The following RSU1 variants were observed in gnomAD, a reference collection of about 807,000 sequenced individuals.
RSU1 encodes rsu-1.
In RSU1, 26 loss-of-function variants were observed where a neutral mutation model predicts 31.1. The ratio of observed to expected loss-of-function variants is 0.84; its 90% confidence interval spans 0.61 to 1.16. The LOEUF (loss-of-function observed/expected upper bound fraction) is 1.16, where lower values mean the gene tolerates loss of function less well. Ranked by LOEUF, RSU1 falls within the 50% of genes most tolerant of loss-of-function variation. RSU1 has a pLI of 0.00. For synonymous variants in RSU1, 164 were observed against 136.3 expected (o/e 1.20, Z -1.41); for missense variants, 320 against 339.1 (o/e 0.94, Z 0.44).
intron 4 of RSU1, among the ~76,000 whole-genome samples, chr10:16,756,814 T>G (rs1322290070): frequency 6.6e-6 from 1 of 151,590 alleles, no homozygotes; most frequent in Non-Finnish European, 1.5e-5. Context: ...TGAGTGTGTG[T>G]GTGGGGTGTG....
intron 7 of RSU1, among the ~76,000 whole-genome samples, chr10:16,729,434 C>G (rs1836458689): frequency 6.6e-6 from 1 of 152,074 alleles, no homozygotes. Context: ...AACAGATAAG[C>G]CCAAGTACCT....
In RSU1 at chr10:16,735,532, G is replaced by A. The variant is rs970827708; in HGVS notation, c.598+17007C>T. On this transcript the variant is annotated intron_variant, in intron 7 of 8. Transcript: ENST00000345264. The stretch of plus-strand genomic sequence containing the variant: ...ATAATAGAAATGCTTCTAGATATTG[G>A]GCAATGTATTAGTCCATTCTCACAC... Among the ~76,000 whole-genome samples the A allele has an allele frequency of 2.9e-4, 44 of 152,104 alleles. 1 individual carries two copies. Among genetic ancestry groups the A allele is most frequent in the Admixed American group, 2.8e-3 (43 of 15,272 alleles).
intron 7 of RSU1, among the ~76,000 whole-genome samples, chr10:16,725,033 G>T (rs1039169637): frequency 6.6e-6 from 1 of 152,192 alleles, no homozygotes; most frequent in Non-Finnish European, 1.5e-5. Context: ...CCTAATGACT[G>T]AAAGGAGATC....
chr10:16,771,543 C>T (rs1243144827), intron 3 of RSU1, among the ~76,000 whole-genome samples: 1 of 152,086 alleles, frequency 6.6e-6, no homozygotes, highest in Admixed American at 6.5e-5. Context: ...AATGATTATA[C>T]ATAAAGAAGA....
chr10:16,608,305 C>A (rs1010907727), intron 8 of RSU1, among the ~76,000 whole-genome samples: 3 of 152,136 alleles, frequency 2.0e-5, no homozygotes. Context: ...CCTAGGAGTT[C>A]AAGATTAGCC....
At chr10:16,645,803 TCA>T in intron 8 of RSU1, among the ~76,000 whole-genome samples, 1 of 147,558 alleles carries the variant, frequency 6.8e-6, no homozygotes, top group Admixed American at 6.9e-5. Context: ...CGAGACTCTG[TCA>T]CAAAAAAAAC....
chr10:16,652,079 T>C (rs1275518870), intron 8 of RSU1, among the ~76,000 whole-genome samples: 2 of 151,524 alleles, frequency 1.3e-5, no homozygotes, highest in Non-Finnish European at 2.9e-5. Context: ...AGGGGGAGAG[T>C]AAAAACATTT....
Position 16,793,497 on chromosome 10 carries a change from C to T in RSU1, c.110-11413G>A, listed in dbSNP as rs115846921. Reference sequence around the variant, plus strand: ...ATTAAGGAGAAAGAAGACAGACAGACCCAAGACACTGGTATTTAAATTATG... The same window carrying T: ...ATTAAGGAGAAAGAAGACAGACAGATCCAAGACACTGGTATTTAAATTATG... On this transcript the variant is annotated intron_variant, in intron 2 of 8. Coordinates refer to ENST00000345264, the MANE Select transcript of RSU1 (RefSeq NM_012425.4). Among the ~76,000 whole-genome samples, 1,305 of 152,234 alleles carry T rather than the reference C, an allele frequency of 8.6e-3. 11 individuals carry two copies. The highest frequency in any genetic ancestry group is 0.029 in the African/African-American group (1,221 of 41,540).
chr10:16,799,509 C>CA (rs1272355713), intron 2 of RSU1, among the ~76,000 whole-genome samples: 2 of 147,554 alleles, frequency 1.4e-5, no homozygotes, highest in South Asian at 4.2e-4. Flanking sequence ...AGATTAAAAA[C>CA]AACAACAACA....
intron 3 of RSU1, among the ~76,000 whole-genome samples, chr10:16,779,995 A>G (rs1347565648): frequency 1.3e-5 from 2 of 152,166 alleles, no homozygotes; most frequent in Non-Finnish European, 2.9e-5. Flanking sequence ...TGGAGTGAAG[A>G]AAAGGAAAAA....
intron 8 of RSU1, among the ~76,000 whole-genome samples, chr10:16,627,154 G>A (rs931769721): frequency 7.2e-5 from 11 of 152,196 alleles, no homozygotes; most frequent in Non-Finnish European, 1.5e-4. Flanking sequence ...TTCGCTATCA[G>A]TCTGCAGTTA....
At chr10:16,665,848 A>G (rs1423734035) in intron 8 of RSU1, among the ~76,000 whole-genome samples, 1 of 152,210 alleles carries the variant, frequency 6.6e-6, no homozygotes, top group African/African-American at 2.4e-5. Context: ...ACAAGGTAAC[A>G]TATTGGACAA....
chr10:16,808,485 G>GAAAAAAAA (rs34449677), intron 2 of RSU1, among the ~76,000 whole-genome samples: 1 of 89,616 alleles, frequency 1.1e-5, no homozygotes, highest in Non-Finnish European at 2.3e-5. Context: ...CTCCATTTAA[G>GAAAAAAAA]AAAAAAAAAA....
At chr10:16,614,522 G>T (rs1033653514) in intron 8 of RSU1, among the ~76,000 whole-genome samples, 1 of 152,096 alleles carries the variant, frequency 6.6e-6, no homozygotes, top group African/African-American at 2.4e-5. Context: ...TGGATTGTTT[G>T]TAACAAAGAC....
chr10:16,806,162 C>T (rs1027143944), intron 2 of RSU1, among the ~76,000 whole-genome samples: 14 of 152,028 alleles, frequency 9.2e-5, no homozygotes, highest in African/African-American at 3.4e-4. Flanking sequence ...TTCCTGTTTC[C>T]CTGGTTCAAA....
intron 7 of RSU1, among the ~76,000 whole-genome samples, chr10:16,699,150 G>A (rs1030586754): frequency 6.6e-6 from 1 of 152,176 alleles, no homozygotes; most frequent in Non-Finnish European, 1.5e-5. Context: ...GACAGAAATG[G>A]AAACCGCGCG....
chr10:16,766,588 G>A (rs1247224384), intron 3 of RSU1, among the ~76,000 whole-genome samples: 7 of 152,142 alleles, frequency 4.6e-5, no homozygotes, highest in Non-Finnish European at 7.3e-5. Flanking sequence ...GGTGGCAGAC[G>A]CCTGTAATCC....
intron 8 of RSU1, among the ~76,000 whole-genome samples, chr10:16,634,169 T>C (rs1351620408): frequency 1.3e-5 from 2 of 152,216 alleles, no homozygotes; most frequent in African/African-American, 4.8e-5. Flanking sequence ...GCAAGGCTTA[T>C]TTAGATACAT....
At chr10:16,659,412 G>A (rs939960354) in intron 8 of RSU1, among the ~76,000 whole-genome samples, 4 of 148,380 alleles carry the variant, frequency 2.7e-5, no homozygotes, top group African/African-American at 5.0e-5. Context: ...ACCTGGAACC[G>A]ATTTTTTGTG....
Sources: allele counts gnomAD v4.1 joint callset (sites outside exome capture counted in the v4.1 genomes callset), GRCh38; gene constraint gnomAD v4.1.1; transcripts MANE v1.5; gene names NCBI Gene and HGNC (gene_info 2026-07-23, HGNC 2026-07-21).